The following FRK variants were observed in gnomAD, a reference collection of about 807,000 sequenced individuals.
FRK encodes the protein fyn related Src family tyrosine kinase.
In FRK, 51 loss-of-function variants were observed where a neutral mutation model predicts 56.4. The observed-to-expected ratio is 0.90, with a 90% CI of 0.72 to 1.14. The LOEUF (loss-of-function observed/expected upper bound fraction) is 1.14, where lower values mean the gene tolerates loss of function less well. FRK is among the 50% of genes most tolerant of loss of function. The pLI is 0.00. For synonymous variants in FRK, 245 were observed against 217.9 expected (o/e 1.12, Z -1.10); for missense variants, 570 against 601.4 (o/e 0.95, Z 0.55).
At chr6:116,040,527 G>A (rs932804691) in intron 1 of FRK, among the ~76,000 whole-genome samples, 1 of 152,068 alleles carries the variant, frequency 6.6e-6, no homozygotes, top group Non-Finnish European at 1.5e-5. Flanking sequence ...GTTACATGTA[G>A]TCTCTTGAAA....
At chr6:116,079,331 C>T in the FRK span, among the ~76,000 whole-genome samples, 1 of 151,284 alleles carries the variant, frequency 6.6e-6, no homozygotes, top group Non-Finnish European at 1.5e-5. Flanking sequence ...TATTGGGCAT[C>T]TTAATTTGTA....
the FRK span, among the ~76,000 whole-genome samples, chr6:116,076,279 A>G: frequency 1.3e-5 from 2 of 152,216 alleles, no homozygotes; most frequent in East Asian, 3.8e-4. Flanking sequence ...TGCAATGTAT[A>G]TCAAATTTAT....
At chr6:116,075,625 T>C in the FRK span, among the ~76,000 whole-genome samples, 2 of 152,152 alleles carry the variant, frequency 1.3e-5, no homozygotes, top group South Asian at 4.1e-4. Context: ...GTGCCCTCCT[T>C]TCCCTAGAGA....
intron 1 of FRK, among the ~76,000 whole-genome samples, chr6:116,008,878 T>C (rs1269354864): frequency 6.6e-6 from 1 of 152,196 alleles, no homozygotes; most frequent in African/African-American, 2.4e-5. Flanking sequence ...GTGTGGTCCC[T>C]AGATCAGGAG....
In FRK at chr6:115,956,524, A is replaced by C. The variant is rs1772999100; in HGVS notation, c.886T>G (p.Cys296Gly). The change falls in exon 5 of 8, where the codon TGC (cysteine) becomes GGC (glycine). Residue 296 changes from cysteine to glycine, a missense_variant. By Grantham distance (159) the Cys-to-Gly change is radical. Coordinates refer to ENST00000606080, the MANE Select transcript of FRK (RefSeq NM_002031.3). ...HPKLIQLYAVCTLEDPIYIIT... is the reference protein window; with the variant it reads ...HPKLIQLYAVGTLEDPIYIIT... ...ATATAAATTGGATCTTCTAAAGTGC[A>C]AACAGCATAAAGCTGGATAAGCTTT... The C allele has an allele frequency of 6.3e-7, 1 of 1,595,260 alleles. No homozygotes were observed. The highest frequency in any genetic ancestry group is 8.5e-7 in the Non-Finnish European group (1 of 1,171,076).
chr6:116,015,548 G>C (rs1046619795), intron 1 of FRK, among the ~76,000 whole-genome samples: 2 of 152,198 alleles, frequency 1.3e-5, no homozygotes, highest in African/African-American at 4.8e-5. Flanking sequence ...GTAACAGGCA[G>C]ATGTTGGACA....
chr6:115,943,743 CAA>C (rs1772301033), intron 6 of FRK, among the ~76,000 whole-genome samples: 1 of 151,966 alleles, frequency 6.6e-6, no homozygotes, highest in Admixed American at 6.6e-5. Context: ...TTTTAGGGTA[CAA>C]TGTGGAAATG....
At chr6:115,991,192 G>C (rs887813412) in intron 2 of FRK, among the ~76,000 whole-genome samples, 2 of 151,842 alleles carry the variant, frequency 1.3e-5, no homozygotes, top group Admixed American at 1.3e-4. Context: ...AGGTTTTCTA[G>C]GTGTAAGATC....
At chr6:115,977,777 A>G (rs1280250591) in intron 2 of FRK, among the ~76,000 whole-genome samples, 2 of 152,132 alleles carry the variant, frequency 1.3e-5, no homozygotes, top group East Asian at 3.9e-4. Context: ...CATTTTTGAG[A>G]AAAATTAGTC....
the FRK span, among the ~76,000 whole-genome samples, chr6:116,094,871 G>A: frequency 6.6e-6 from 1 of 152,172 alleles, no homozygotes; most frequent in African/African-American, 2.4e-5. Flanking sequence ...GTAAGAAAGA[G>A]AGAAAGAGAC....
intron 2 of FRK, among the ~76,000 whole-genome samples, chr6:115,991,574 T>C (rs1224460745): frequency 1.3e-5 from 2 of 151,890 alleles, no homozygotes. Context: ...GTTACATTGA[T>C]CAATTTGCAT....
chr6:116,036,940 C>T (rs1286873592), intron 1 of FRK, among the ~76,000 whole-genome samples: 1 of 152,102 alleles, frequency 6.6e-6, no homozygotes. Context: ...TACATGTGAG[C>T]ATGCCAAGAG....
the FRK span, chr6:116,100,716 G>T: frequency 2.9e-6 from 1 of 348,368 alleles, no homozygotes; most frequent in Non-Finnish European, 5.1e-6. Context: ...GACTCCGGGC[G>T]GCGCAGGACG....
At chr6:116,001,281 A>G (rs1215901279) in intron 2 of FRK, among the ~76,000 whole-genome samples, 2 of 152,004 alleles carry the variant, frequency 1.3e-5, no homozygotes, top group Admixed American at 6.6e-5. Context: ...GATCCATGTT[A>G]TACACATACA....
In FRK at chr6:115,970,565, A is replaced by G. The variant is rs1040137073; in HGVS notation, c.467-1826T>C. 3.9e-5 allele frequency among the ~76,000 whole-genome samples: 6 copies of G among 152,360 alleles called. No individual in the cohort carries two copies. The East Asian group carries it at 1.2e-3, about 29-fold the overall frequency. The stretch of plus-strand genomic sequence containing the variant: ...AACTGCAGCTACACATAACAAAGTG[A>G]ATGAATCTCGCAAACTCAAATATAT... On this transcript the variant is annotated intron_variant, in intron 2 of 7. Transcript: ENST00000606080.
intron 1 of FRK, among the ~76,000 whole-genome samples, chr6:116,059,091 A>G (rs900184430): frequency 6.6e-6 from 1 of 152,004 alleles, no homozygotes; most frequent in African/African-American, 2.4e-5. Context: ...TTCAGTCACT[A>G]CTAGAATAAT....
In FRK at chr6:115,967,706, G is replaced by T. The variant is rs1773640855; in HGVS notation, c.644C>A (p.Ala215Asp). ...GGTTTTATACGACAAATCAAATGGA[G>T]CTGGGACCTGGATCTGTTTCATAGA... is the stretch of plus-strand genomic sequence containing the variant. ...GKPCLKIQVP[A>D]PFDLSYKTVD... The change falls in exon 4 of 8, where the codon GCT becomes GAT. Residue 215 changes from alanine (A) to aspartate (D), a missense_variant. Physicochemically the swap from Ala to Asp is moderately radical, Grantham distance 126. Coordinates refer to ENST00000606080, the MANE Select transcript of FRK (RefSeq NM_002031.3). The T allele has an allele frequency of 3.7e-6, 6 of 1,605,688 alleles. No individual in the cohort carries two copies. The highest frequency in any genetic ancestry group is 5.1e-6 in the Non-Finnish European group (6 of 1,175,322).
rs148666148 is a variant in FRK, at chr6:115,991,428, A to G, written c.466+12449T>C. On this transcript the variant is annotated intron_variant, in intron 2 of 7. Coordinates refer to ENST00000606080, the MANE Select transcript of FRK (RefSeq NM_002031.3). The stretch of plus-strand genomic sequence containing the variant: ...GGGTTTATCATCTAAGGCTCTTATT[A>G]TTTTGAGTTATGTTCCTTTGATGCA... Among the ~76,000 whole-genome samples, 8 of 151,726 alleles carry G rather than the reference A, an allele frequency of 5.3e-5. No individual in the cohort carries two copies. In the East Asian group the frequency reaches 1.5e-3, roughly 29 times the overall value.
the FRK span, among the ~76,000 whole-genome samples, chr6:116,080,611 T>C: frequency 6.6e-6 from 1 of 151,966 alleles, no homozygotes; most frequent in African/African-American, 2.4e-5. Flanking sequence ...GTCTAGAAAA[T>C]AGACAATGGA....
Sources: gnomAD v4.1 joint callset for allele counts (sites outside exome capture counted in the v4.1 genomes callset) on GRCh38, gnomAD v4.1.1 for gene constraint, MANE v1.5 for transcripts, NCBI Gene and HGNC (gene_info 2026-07-23, HGNC 2026-07-21) for gene names.